The following NF1 variants were observed in gnomAD, a reference collection of about 807,000 sequenced individuals.
NF1 encodes the protein neurofibromin 1.
In NF1, 122 loss-of-function variants were observed where a neutral mutation model predicts 325.7. That is an observed-to-expected ratio of 0.37 (90% CI 0.32 to 0.44). NF1 has a LOEUF of 0.44. Among genes scored for constraint, NF1 ranks in the 20% least tolerant of loss-of-function variants. The pLI, the probability that NF1 is intolerant of heterozygous loss-of-function variation, is 1.00. For missense variants in NF1, 2,140 were observed against 3,415.4 expected (o/e 0.63, Z 9.31); for synonymous variants, 1,091 against 1,186.0 (o/e 0.92, Z 1.65).
intron 36 of NF1, among the ~76,000 whole-genome samples, chr17:31,313,198 T>A (rs1209533635): frequency 1.3e-5 from 2 of 152,186 alleles, no homozygotes; most frequent in Admixed American, 6.5e-5. Flanking sequence ...TGACCATTCT[T>A]ACTATGCAAA....
At chr17:31,355,623 G>A (rs1344636701) in intron 51 of NF1, among the ~76,000 whole-genome samples, 1 of 152,244 alleles carries the variant, frequency 6.6e-6, no homozygotes, top group Non-Finnish European at 1.5e-5. Context: ...ACCAAGGCAG[G>A]TGGATTGCTT....
At chr17:31,214,644 T>C (rs1333783572) in intron 13 of NF1, 59 bp downstream of exon 13, 1 of 1,549,282 alleles carries the variant, frequency 6.5e-7, no homozygotes, top group South Asian at 1.1e-5. Context: ...TGGGTTTAGC[T>C]GAAACGCCAA....
At chr17:31,295,655 C>G (rs1488632339) in intron 36 of NF1, 1 of 1,613,948 alleles carries the variant, frequency 6.2e-7, no homozygotes, top group South Asian at 1.1e-5. Context: ...ACATGACCAC[C>G]TGTTATTGTA....
intron 36 of NF1, chr17:31,272,878 T>C (rs1248226454): frequency 6.6e-6 from 1 of 152,222 alleles, no homozygotes; most frequent in African/African-American, 2.4e-5. Context: ...GTTTGCTTTT[T>C]CACTATTAGT....
intron 12 of NF1, among the ~76,000 whole-genome samples, chr17:31,211,432 A>G (rs1277145766): frequency 6.6e-6 from 1 of 152,222 alleles, no homozygotes; most frequent in Non-Finnish European, 1.5e-5. Context: ...ACATGTTGAT[A>G]TTTGGGATTA....
At chr17:31,297,068 A>G (rs2068482510) in intron 36 of NF1, 2 of 152,232 alleles carry the variant, frequency 1.3e-5, no homozygotes, top group African/African-American at 4.8e-5. Context: ...TATTGAATAT[A>G]TATTTAATCC....
chr17:31,236,424 G>A (rs1429040101), intron 29 of NF1, among the ~76,000 whole-genome samples: 8 of 151,636 alleles, frequency 5.3e-5, no homozygotes, highest in Non-Finnish European at 1.0e-4. Context: ...AATGCAGGCT[G>A]CAGTTTATTT....
chr17:31,369,400 C>G (rs975305412), intron 57 of NF1, among the ~76,000 whole-genome samples: 1 of 152,190 alleles, frequency 6.6e-6, no homozygotes, highest in African/African-American at 2.4e-5. Context: ...AAACATAGTA[C>G]TGCTGATATA....
chr17:31,352,309 C>G lies in NF1; in HGVS notation c.7510C>G (p.Leu2504Val), dbSNP rs876658333. The part of the protein sequence containing the change: ...WSSPKGSEGY[L>V]AATYPTVGQT... ...CTCTCCCAAAGGTTCTGAAGGATAC[C>G]TTGCAGCCACCTATCCAACTGTCGG... is the stretch of plus-strand genomic sequence containing the variant. Residue 2504 changes from leucine (L) to valine (V), a missense_variant, in exon 51 of 58, where the codon CTT (leucine) becomes GTT (valine). This residue lies in a region of NF1 where 522 missense variants were observed against 749.0 expected (regional missense o/e 0.70). Transcript: ENST00000358273. 6.2e-7 allele frequency: 1 copy of G among 1,613,974 alleles called. No homozygotes were observed.
chr17:31,200,857 T>C (rs1175390086), intron 9 of NF1, among the ~76,000 whole-genome samples, 180 bp from the exon 10 acceptor site: 2 of 152,206 alleles, frequency 1.3e-5, no homozygotes, highest in Non-Finnish European at 2.9e-5. Context: ...AATGAACCTA[T>C]ATATGGTATA....
At chr17:31,198,616 T>C (rs2066473880) in intron 8 of NF1, among the ~76,000 whole-genome samples, 1 of 150,788 alleles carries the variant, frequency 6.6e-6, no homozygotes, top group Non-Finnish European at 1.5e-5. Flanking sequence ...TTTTTTGTTG[T>C]TGTTGAGGGG....
intron 46 of NF1, among the ~76,000 whole-genome samples, chr17:31,339,838 ATAAAGT>A (rs2151560488): frequency 6.6e-6 from 1 of 152,362 alleles, no homozygotes; most frequent in East Asian, 1.9e-4. Context: ...ACAGTTTAAA[ATAAAGT>A]TAAAGGGAAA....
chr17:31,259,879 CT>C (rs2067653829), intron 33 of NF1, among the ~76,000 whole-genome samples: 1 of 152,122 alleles, frequency 6.6e-6, no homozygotes, highest in Admixed American at 6.6e-5. Context: ...TTGTTACTGA[CT>C]TTTTTTCTGT....
intron 1 of NF1, among the ~76,000 whole-genome samples, chr17:31,098,842 G>A (rs1912027075): frequency 6.7e-6 from 1 of 148,916 alleles, no homozygotes; most frequent in Admixed American, 6.8e-5. Context: ...TGAGGCAGGA[G>A]AATGGCCTGA....
At chr17:31,127,059 C>T (rs950627193) in intron 1 of NF1, among the ~76,000 whole-genome samples, 1 of 151,042 alleles carries the variant, frequency 6.6e-6, no homozygotes, top group Non-Finnish European at 1.5e-5. Flanking sequence ...TGCATTTTTT[C>T]TCCTGTGATC....
intron 16 of NF1, among the ~76,000 whole-genome samples, chr17:31,223,938 T>C (rs1481834315): frequency 2.0e-5 from 3 of 152,146 alleles, no homozygotes; most frequent in African/African-American, 7.2e-5. Context: ...TTTTAACATA[T>C]AGCTTCTGTA....
chr17:31,166,068 G>C (rs186458606), intron 4 of NF1, among the ~76,000 whole-genome samples: 1 of 152,010 alleles, frequency 6.6e-6, no homozygotes, highest in African/African-American at 2.4e-5. Flanking sequence ...TTTATGTAGC[G>C]GAGTAACTGC....
intron 12 of NF1, among the ~76,000 whole-genome samples, chr17:31,209,918 G>A (rs1014615654): frequency 2.0e-4 from 31 of 152,258 alleles, no homozygotes; most frequent in African/African-American, 7.5e-4. Context: ...AAAATGCAGG[G>A]CTTATAGGCA....
intron 57 of NF1, among the ~76,000 whole-genome samples, chr17:31,366,931 G>T (rs960286948): frequency 4.3e-4 from 66 of 151,752 alleles, no homozygotes; most frequent in Non-Finnish European, 7.8e-4. Flanking sequence ...CGATTTCTTG[G>T]TATAATTCTT....
Sources: gnomAD v4.1 joint callset for allele counts (sites outside exome capture counted in the v4.1 genomes callset) on GRCh38, gnomAD v4.1.1 for gene constraint, gnomAD v4.1.1 regional missense constraint, MANE v1.5 for transcripts, NCBI Gene and HGNC (gene_info 2026-07-23, HGNC 2026-07-21) for gene names.